Variants in CUX1 observed in about 807,000 individuals in gnomAD.
CUX1 encodes cut like homeobox 1.
A neutral mutation model predicts 158.8 loss-of-function variants in CUX1; 31 were observed. The ratio of observed to expected loss-of-function variants is 0.20; its 90% CI spans 0.15 to 0.26. The LOEUF is 0.26. Among genes scored for constraint, CUX1 ranks in the 10% least tolerant of loss-of-function variants. The probability of loss-of-function intolerance (pLI) is 1.00; values close to 1 mark genes in which losing one functional copy is unlikely to be tolerated. For synonymous variants in CUX1, 879 were observed against 862.1 expected (o/e 1.02, Z -0.34); for missense variants, 1,589 against 2,014.6 (o/e 0.79, Z 4.04).
At position 102,249,709 on chromosome 7, in the gene CUX1, AAAAG is replaced by A. The variant is rs1187774692; in HGVS notation, c.*672_*675del. 20 of 985,588 alleles carry A rather than the reference AAAAG, an allele frequency of 2.0e-5. No homozygotes were observed. Among genetic ancestry groups the A allele is most frequent in the Non-Finnish European group, 2.3e-5 (19 of 829,852 alleles). 61.1% of individuals were successfully genotyped at this position (985,588 alleles called of 1,614,324 possible). The stretch of plus-strand genomic sequence containing the variant: ...GGGTGGGATTTTTCAGAAAAATTAA[AAAAG>A]AAAGTTTTTGTAGCTGTTCAGTTGC... On this transcript the variant is annotated 3_prime_UTR_variant, in exon 24 of 24. Transcript: ENST00000292535.
chr7:101,904,716 C>A (rs1189383156), intron 1 of CUX1, among the ~76,000 whole-genome samples: 1 of 151,856 alleles, frequency 6.6e-6, no homozygotes, highest in Non-Finnish European at 1.5e-5. Flanking sequence ...TTGCAGGCGC[C>A]CACCACCACA....
At chr7:101,964,476 A>G (rs1810901632) in intron 2 of CUX1, among the ~76,000 whole-genome samples, 1 of 152,234 alleles carries the variant, frequency 6.6e-6, no homozygotes, top group East Asian at 1.9e-4. Flanking sequence ...TGAGGGTATA[A>G]TGATGAGCAG....
chr7:102,084,545 C>G (rs1204371345), intron 4 of CUX1, among the ~76,000 whole-genome samples: 1 of 144,248 alleles, frequency 6.9e-6, no homozygotes, highest in African/African-American at 2.5e-5. Context: ...GCCTCAGCCT[C>G]CCAAGTAGCT....
intron 21 of CUX1, among the ~76,000 whole-genome samples, chr7:102,227,958 T>C (rs1798524491): frequency 6.9e-6 from 1 of 145,574 alleles, no homozygotes; most frequent in African/African-American, 2.5e-5. Flanking sequence ...TTTCTTTTTT[T>C]TTTTTTTTTT....
At chr7:102,202,263 A>G in intron 18 of CUX1, 59 bp downstream of exon 18, 1 of 1,538,618 alleles carries the variant, frequency 6.5e-7, no homozygotes. Flanking sequence ...CTGAGGACCA[A>G]GTATCTATCC....
chr7:101,999,217 CTTTTTTTTTT>C (rs3988167), intron 2 of CUX1, among the ~76,000 whole-genome samples: 3 of 85,834 alleles, frequency 3.5e-5, no homozygotes, highest in African/African-American at 9.2e-5. Context: ...TTTTTTTTAC[CTTTTTTTTTT>C]TTTTTTTTTT....
chr7:101,965,633 G>A (rs1176614792), intron 2 of CUX1, among the ~76,000 whole-genome samples: 1 of 151,984 alleles, frequency 6.6e-6, no homozygotes, highest in Non-Finnish European at 1.5e-5. Context: ...GGATCACGAG[G>A]TCAGGAGATC....
chr7:102,015,041 T>A (rs1818429756), intron 2 of CUX1, among the ~76,000 whole-genome samples: 1 of 152,138 alleles, frequency 6.6e-6, no homozygotes, highest in Non-Finnish European at 1.5e-5. Context: ...TGAGCAGCTC[T>A]GTGAAGCTAG....
At chr7:102,096,173 G>C (rs1305364652) in intron 4 of CUX1, among the ~76,000 whole-genome samples, 3 of 152,274 alleles carry the variant, frequency 2.0e-5, no homozygotes, top group Non-Finnish European at 4.4e-5. Context: ...TTATCATCAG[G>C]AGTGTGGTGG....
At chr7:101,960,829 G>A (rs571403062) in intron 2 of CUX1, 11 of 152,310 alleles carry the variant, frequency 7.2e-5, no homozygotes, top group East Asian at 5.8e-4. Flanking sequence ...AGTCTTAAGA[G>A]CTTCCTCCCT....
At chr7:102,207,591 A>G (rs192612127) in intron 20 of CUX1, among the ~76,000 whole-genome samples, 12 of 152,026 alleles carry the variant, frequency 7.9e-5, no homozygotes, top group African/African-American at 2.7e-4. Flanking sequence ...AGCTGGGAAT[A>G]CAGGTACCCA....
chr7:101,860,727 C>CCCTCCCTT (rs1339456378), intron 1 of CUX1, among the ~76,000 whole-genome samples: 1 of 130,214 alleles, frequency 7.7e-6, no homozygotes, highest in Non-Finnish European at 1.7e-5. Context: ...CTTTTATCTC[C>CCCTCCCTT]CCTTCCTCCC....
intron 20 of CUX1, among the ~76,000 whole-genome samples, chr7:102,216,877 ACATT>A (rs1797277962): frequency 1.3e-5 from 1 of 75,054 alleles, no homozygotes; most frequent in Non-Finnish European, 2.9e-5. Flanking sequence ...TCTCACACAC[ACATT>A]ATCTCACACA....
At chr7:101,832,934 G>A (rs934297915) in intron 1 of CUX1, among the ~76,000 whole-genome samples, 1 of 152,170 alleles carries the variant, frequency 6.6e-6, no homozygotes, top group South Asian at 2.1e-4. Context: ...TGGTGTGCAG[G>A]GAGGAGCTGC....
At chr7:101,900,414 C>T (rs546432125) in intron 1 of CUX1, among the ~76,000 whole-genome samples, 105 of 152,336 alleles carry the variant, frequency 6.9e-4, no homozygotes, top group African/African-American at 2.5e-3. Context: ...CTGGCAGCAG[C>T]TCTCAGCCAA....
intron 8 of CUX1, among the ~76,000 whole-genome samples, chr7:102,117,888 C>T (rs1174073054): frequency 6.6e-6 from 1 of 152,160 alleles, no homozygotes; most frequent in Non-Finnish European, 1.5e-5. Context: ...ACATCAGAAA[C>T]GGTCTGGACA....
At chr7:101,857,994 G>A (rs192455435) in intron 1 of CUX1, among the ~76,000 whole-genome samples, 30 of 152,238 alleles carry the variant, frequency 2.0e-4, no homozygotes, top group East Asian at 1.4e-3. Flanking sequence ...GTGGTGGCAC[G>A]CACCTGTACT....
intron 2 of CUX1, among the ~76,000 whole-genome samples, chr7:101,956,826 G>A (rs1436687909): frequency 6.6e-6 from 1 of 152,206 alleles, no homozygotes; most frequent in Non-Finnish European, 1.5e-5. Flanking sequence ...GTGTGCACCA[G>A]TAGTCCCAGC....
intron 2 of CUX1, among the ~76,000 whole-genome samples, chr7:101,977,196 A>G (rs1484361286): frequency 6.6e-6 from 1 of 152,102 alleles, no homozygotes; most frequent in Non-Finnish European, 1.5e-5. Context: ...TACAGGCGTG[A>G]GCCACTGCAC....
Sources: allele counts gnomAD v4.1 joint callset (sites outside exome capture counted in the v4.1 genomes callset), GRCh38; gene constraint gnomAD v4.1.1; transcripts MANE v1.5; gene names NCBI Gene and HGNC (gene_info 2026-07-23, HGNC 2026-07-21).